The following MAF variants were observed in gnomAD, a reference collection of about 807,000 sequenced individuals.
MAF encodes the protein MAF bZIP transcription factor, also known as transcription factor Maf.
In MAF, 10 loss-of-function variants were observed where a neutral mutation model predicts 22.0. The ratio of observed to expected loss-of-function variants is 0.45; its 90% CI spans 0.28 to 0.77. The LOEUF (loss-of-function observed/expected upper bound fraction) is 0.77, where lower values mean the gene tolerates loss of function less well. MAF is among the 30% of genes least tolerant of loss of function. The probability of loss-of-function intolerance (pLI) is 0.12; values close to 1 mark genes in which losing one functional copy is unlikely to be tolerated. For missense variants in MAF, 544 were observed against 548.4 expected (o/e 0.99, Z 0.08); for synonymous variants, 337 against 255.8 (o/e 1.32, Z -3.03).
chr16:79,440,643 C>T, the MAF span, among the ~76,000 whole-genome samples: 3 of 152,156 alleles, frequency 2.0e-5, no homozygotes, highest in Non-Finnish European at 2.9e-5. Context: ...ACCATGTTGA[C>T]CTCGTGATCC....
chr16:79,290,575 T>C, the MAF span, among the ~76,000 whole-genome samples: 6 of 150,538 alleles, frequency 4.0e-5, no homozygotes, highest in Admixed American at 1.3e-4. Context: ...GTGTACATTA[T>C]CTAATCCAGA....
chr16:79,391,888 AGGAGGAGGAG>A, the MAF span, among the ~76,000 whole-genome samples: 9 of 74,010 alleles, frequency 1.2e-4, 1 homozygote, highest in African/African-American at 3.1e-4. Flanking sequence ...GAGGAGGAGG[AGGAGGAGGAG>A]CAGGAGGAGG....
chr16:79,376,969 T>C, the MAF span, among the ~76,000 whole-genome samples: 2 of 152,228 alleles, frequency 1.3e-5, no homozygotes, highest in Non-Finnish European at 2.9e-5. Flanking sequence ...TTGTGAATAG[T>C]GCCACAATAA....
downstream of MAF, among the ~76,000 whole-genome samples, chr16:79,582,756 G>C (rs1912599643): frequency 6.6e-6 from 1 of 152,222 alleles, no homozygotes; most frequent in Non-Finnish European, 1.5e-5. Flanking sequence ...GATGTAATTA[G>C]CTTAAGACAT....
chr16:79,569,757 G>T, the MAF span, among the ~76,000 whole-genome samples: 1 of 152,320 alleles, frequency 6.6e-6, no homozygotes, highest in Admixed American at 6.5e-5. Context: ...CTGGGGAATA[G>T]GCATTTGTAT....
At chr16:79,220,159 G>C in the MAF span, among the ~76,000 whole-genome samples, 1 of 150,924 alleles carries the variant, frequency 6.6e-6, no homozygotes, top group Non-Finnish European at 1.5e-5. Flanking sequence ...GGGAGGCTGA[G>C]GCAGGAGAAT....
the MAF span, among the ~76,000 whole-genome samples, chr16:79,252,223 C>G: frequency 6.6e-6 from 1 of 151,954 alleles, no homozygotes; most frequent in African/African-American, 2.4e-5. Flanking sequence ...ATTCTGCCCT[C>G]CCAACACGAA....
At chr16:79,318,916 C>G in the MAF span, among the ~76,000 whole-genome samples, 2 of 152,152 alleles carry the variant, frequency 1.3e-5, no homozygotes, top group Non-Finnish European at 2.9e-5. Context: ...TCACCTGAGC[C>G]TCAACAGCCA....
the MAF span, among the ~76,000 whole-genome samples, chr16:79,468,043 G>A: frequency 2.0e-5 from 3 of 152,116 alleles, no homozygotes; most frequent in African/African-American, 7.2e-5. Context: ...AATTAAATTA[G>A]AATGTGTCAC....
the MAF span, among the ~76,000 whole-genome samples, chr16:79,565,221 C>T: frequency 2.6e-5 from 4 of 152,152 alleles, no homozygotes; most frequent in African/African-American, 7.2e-5. Flanking sequence ...GAGTTGAACC[C>T]GGCCCAATTA....
chr16:79,259,191 T>C, the MAF span, among the ~76,000 whole-genome samples: 5 of 152,126 alleles, frequency 3.3e-5, no homozygotes, highest in African/African-American at 4.8e-5. Flanking sequence ...CTCCGTGACT[T>C]ACCTTCTCCC....
At chr16:79,449,190 G>A in the MAF span, among the ~76,000 whole-genome samples, 3 of 152,164 alleles carry the variant, frequency 2.0e-5, no homozygotes, top group Non-Finnish European at 2.9e-5. Context: ...GACAGGAGGC[G>A]GTGGTAATGC....
At chr16:79,371,932 C>T in the MAF span, among the ~76,000 whole-genome samples, 1 of 152,200 alleles carries the variant, frequency 6.6e-6, no homozygotes, top group Non-Finnish European at 1.5e-5. Context: ...TTTTTCTCAT[C>T]TGTTAAATGT....
chr16:79,516,387 T>G, the MAF span: 1 of 152,334 alleles, frequency 6.6e-6, no homozygotes, highest in South Asian at 2.1e-4. Context: ...AACTGCTGTG[T>G]GCTATGATAA....
At chr16:79,528,499 G>A in the MAF span, among the ~76,000 whole-genome samples, 1 of 152,134 alleles carries the variant, frequency 6.6e-6, no homozygotes, top group African/African-American at 2.4e-5. Flanking sequence ...GCAAGGCATG[G>A]CTCTCTCTTT....
the MAF span, among the ~76,000 whole-genome samples, chr16:79,231,119 G>T: frequency 6.6e-6 from 1 of 152,002 alleles, no homozygotes; most frequent in African/African-American, 2.4e-5. Flanking sequence ...CTCTCAGGTG[G>T]GATAGCAGGG....
At chr16:79,503,967 G>C in the MAF span, among the ~76,000 whole-genome samples, 5,926 of 152,170 alleles carry the variant, frequency 0.039, 375 homozygotes, top group African/African-American at 0.13. Flanking sequence ...ATTTCTGTCT[G>C]TAACATGTTA....
the MAF span, among the ~76,000 whole-genome samples, chr16:79,311,722 T>G: frequency 2.0e-5 from 3 of 152,152 alleles, no homozygotes; most frequent in African/African-American, 7.2e-5. Flanking sequence ...GTTTGGTTTT[T>G]TCCCCAAGTG....
At chr16:79,538,866 AAAAGAAAAGAAAGAAAGAAAG>A in the MAF span, among the ~76,000 whole-genome samples, 62 of 117,512 alleles carry the variant, frequency 5.3e-4, no homozygotes, top group African/African-American at 1.2e-3. Flanking sequence ...AAAAGAAAAG[AAAAGAAAAGAAAGAAAGAAAG>A]AAAGAAAGAA....
Sources: allele counts gnomAD v4.1 joint callset (sites outside exome capture counted in the v4.1 genomes callset), GRCh38; gene constraint gnomAD v4.1.1; transcripts MANE v1.5; gene names NCBI Gene and HGNC (gene_info 2026-07-23, HGNC 2026-07-21).